ZMYM2: variants seen among roughly 807,000 people sequenced by gnomAD.
ZMYM2 encodes the protein zinc finger MYM-type containing 2, also known as zinc finger MYM-type protein 2.
Under a neutral mutation model 162.8 loss-of-function variants are expected in ZMYM2, and 56 were observed. The observed-to-expected ratio is 0.34, with a 90% CI of 0.28 to 0.43. The LOEUF is 0.43. Ranked by LOEUF, ZMYM2 falls within the 20% of genes least tolerant of loss-of-function variation. The probability of loss-of-function intolerance (pLI) is 1.00; values close to 1 mark genes in which losing one functional copy is unlikely to be tolerated. For missense variants in ZMYM2, 1,275 were observed against 1,621.8 expected (o/e 0.79, Z 3.67); for synonymous variants, 510 against 541.6 (o/e 0.94, Z 0.81).
chr13:19,864,428 C>T, the ZMYM2 span: 4 of 155,030 alleles, frequency 2.6e-5, no homozygotes, highest in Non-Finnish European at 5.9e-5. Context: ...GCCATTCGGA[C>T]AAGGGAACAG....
At position 20,088,847 on chromosome 13, in the gene ZMYM2, A is replaced by G. The variant is rs1171502185; in HGVS notation, c.*2833A>G. ...CTTTATGCATAGTATTAAGGGTTAT[A>G]GTATGAAGAAATCATAAAATTGCAA... On this transcript the variant is annotated 3_prime_UTR_variant, in exon 25 of 25. Coordinates refer to ENST00000610343, the MANE Select transcript of ZMYM2 (RefSeq NM_197968.4). 1.0e-5 allele frequency: 2 copies of G among 194,736 alleles called. No homozygotes were observed. The highest frequency in any genetic ancestry group is 2.3e-5 in the African/African-American group (1 of 43,232). The allele number at this position is 194,736 out of a possible 1,614,324, so 12.1% of individuals were successfully genotyped here. A position where few individuals can be genotyped will look rare whatever the true frequency, so the allele number is the denominator to read the frequency against.
chr13:19,969,109 T>TA (rs1956070104), intron 2 of ZMYM2, among the ~76,000 whole-genome samples: 1 of 152,234 alleles, frequency 6.6e-6, no homozygotes, highest in African/African-American at 2.4e-5. Flanking sequence ...ACCCAGTGTT[T>TA]AAACTTTAAA....
chr13:19,982,914 G>T (rs1228307224), intron 2 of ZMYM2, among the ~76,000 whole-genome samples: 1 of 151,372 alleles, frequency 6.6e-6, no homozygotes, highest in Non-Finnish European at 1.5e-5. Context: ...TCCCTTCCTT[G>T]TAGGTTTGTC....
chr13:20,037,255 G>A (rs1164154343), intron 12 of ZMYM2, among the ~76,000 whole-genome samples: 6 of 118,582 alleles, frequency 5.1e-5, no homozygotes, highest in African/African-American at 1.7e-4. Context: ...AATCTCTGTC[G>A]CCCAGGCTAG....
At chr13:19,942,061 A>G in the ZMYM2 span, among the ~76,000 whole-genome samples, 2 of 151,894 alleles carry the variant, frequency 1.3e-5, no homozygotes, top group Non-Finnish European at 2.9e-5. Context: ...TACTTTCTAT[A>G]TCATCAAGTG....
the ZMYM2 span, among the ~76,000 whole-genome samples, chr13:19,937,525 G>A: frequency 1.2e-4 from 17 of 146,294 alleles, no homozygotes; most frequent in Non-Finnish European, 1.5e-4. Flanking sequence ...GTGCAGTGGC[G>A]TGATCTCAGC....
intron 9 of ZMYM2, among the ~76,000 whole-genome samples, chr13:20,030,549 C>T (rs1953017188): frequency 6.6e-6 from 1 of 152,194 alleles, no homozygotes; most frequent in Non-Finnish European, 1.5e-5. Context: ...CAGGCACCTG[C>T]CACCACCCCC....
chr13:20,069,877 A>G (rs1001339254), intron 21 of ZMYM2, among the ~76,000 whole-genome samples: 4 of 152,158 alleles, frequency 2.6e-5, no homozygotes, highest in Non-Finnish European at 5.9e-5. Context: ...TTTATCACAA[A>G]TAAGGCAACT....
the ZMYM2 span, among the ~76,000 whole-genome samples, chr13:19,869,315 T>C: frequency 6.6e-6 from 1 of 152,174 alleles, no homozygotes; most frequent in African/African-American, 2.4e-5. Flanking sequence ...TGATTTCTTT[T>C]TTTAACTTAA....
At chr13:19,953,235 G>A in the ZMYM2 span, among the ~76,000 whole-genome samples, 10 of 152,320 alleles carry the variant, frequency 6.6e-5, no homozygotes, top group South Asian at 1.7e-3. Flanking sequence ...AAGCTAACAA[G>A]TAGTGGAATT....
the ZMYM2 span, among the ~76,000 whole-genome samples, chr13:19,902,742 A>G: frequency 2.0e-4 from 30 of 149,910 alleles, no homozygotes; most frequent in African/African-American, 6.9e-4. Flanking sequence ...GCCAAATACG[A>G]TGGGTGACAC....
rs747962115 is a variant in ZMYM2, at chr13:19,993,065, T to TC, written c.-7dup. On this transcript the variant is annotated 5_prime_UTR_variant, in exon 3 of 25. Coordinates refer to ENST00000610343, the MANE Select transcript of ZMYM2 (RefSeq NM_197968.4). ...TCTTTTTTCTATCTTCCTAACAGGT[T>TC]CTTTGGCATGGACACAAGTTCAGTG... 1 of 1,583,078 alleles carries TC rather than the reference T, an allele frequency of 6.3e-7. No individual in the cohort carries two copies. Among genetic ancestry groups the TC allele is most frequent in the Non-Finnish European group, 8.6e-7 (1 of 1,167,336 alleles).
At chr13:19,900,491 A>C in the ZMYM2 span, among the ~76,000 whole-genome samples, 80 of 152,286 alleles carry the variant, frequency 5.3e-4, 2 homozygotes, top group East Asian at 0.01. Context: ...TTCACGGGTA[A>C]ATTCTACCAA....
intron 2 of ZMYM2, among the ~76,000 whole-genome samples, chr13:19,985,541 T>TTA (rs1555286696): frequency 1.3e-5 from 2 of 151,572 alleles, no homozygotes; most frequent in East Asian, 1.9e-4. Context: ...GTGTTTTTTT[T>TTA]AAAAACAATA....
chr13:20,030,965 G>GT (rs1333466332), intron 9 of ZMYM2, among the ~76,000 whole-genome samples: 2 of 152,034 alleles, frequency 1.3e-5, no homozygotes, highest in Non-Finnish European at 2.9e-5. Flanking sequence ...TGTTCTTTTT[G>GT]TTTTTTTAAA....
intron 2 of ZMYM2, among the ~76,000 whole-genome samples, chr13:19,969,168 TATATACTGTTACTATCAACA>T (rs1004626929): frequency 1.3e-5 from 2 of 152,220 alleles, no homozygotes; most frequent in Non-Finnish European, 2.9e-5. Context: ...ATAATTTGCA[TATATACTGTTACTATCAACA>T]ATGGACGTAT....
chr13:19,914,857 G>A, the ZMYM2 span, among the ~76,000 whole-genome samples: 1 of 152,144 alleles, frequency 6.6e-6, no homozygotes, highest in Non-Finnish European at 1.5e-5. Flanking sequence ...CTCAGTTACA[G>A]TGTCATCTAA....
Position 20,036,785 on chromosome 13 carries a change from G to T in ZMYM2, c.2168G>T (p.Arg723Ile), listed in dbSNP as rs1240584538. 1.9e-6 allele frequency: 3 copies of T among 1,600,878 alleles called. No individual in the cohort carries two copies. In the Admixed American group the frequency reaches 5.2e-5, roughly 27 times the overall value. The change falls in exon 12 of 25, where the codon AGA becomes ATA. Residue 723 changes from arginine (R) to isoleucine (I), a missense_variant. Arg to Ile is a moderately conservative substitution (Grantham distance 97). Coordinates refer to ENST00000610343, the MANE Select transcript of ZMYM2 (RefSeq NM_197968.4). Reference sequence around the variant, plus strand: ...GATTTTGCCAGACGTTTAGGATTGAGATGTGTTACTTGCAACTATTGTTCT... The same window carrying T: ...GATTTTGCCAGACGTTTAGGATTGATATGTGTTACTTGCAACTATTGTTCT... ...KQDFARRLGL[R>I]CVTCNYCSQL...
chr13:20,077,959 A>G (rs541919431), intron 21 of ZMYM2, among the ~76,000 whole-genome samples: 1 of 151,340 alleles, frequency 6.6e-6, no homozygotes, highest in East Asian at 1.9e-4. Flanking sequence ...CTGGGACTAC[A>G]GGCGCCCGCC....
Sources: allele counts gnomAD v4.1 joint callset (sites outside exome capture counted in the v4.1 genomes callset), GRCh38; gene constraint gnomAD v4.1.1; transcripts MANE v1.5; gene names NCBI Gene and HGNC (gene_info 2026-07-23, HGNC 2026-07-21).